The following FAM20C variants were observed in gnomAD, a reference collection of about 807,000 sequenced individuals.
The protein encoded by FAM20C is extracellular serine/threonine protein kinase FAM20C.
FAM20C carries 40 observed loss-of-function variants against 51.5 expected under a neutral mutation model. That is an observed-to-expected ratio of 0.78 (90% CI 0.60 to 1.01). The LOEUF (loss-of-function observed/expected upper bound fraction) is 1.01, where lower values mean the gene tolerates loss of function less well. Ranked by LOEUF, FAM20C falls within the 50% of genes least tolerant of loss-of-function variation. The pLI, the probability that FAM20C is intolerant of heterozygous loss-of-function variation, is 0.00. For missense variants in FAM20C, 861 were observed against 844.7 expected (o/e 1.02, Z -0.24); for synonymous variants, 406 against 380.6 (o/e 1.07, Z -0.78).
At position 257,999 on chromosome 7, in the gene FAM20C, G is replaced by C. The variant is rs1424967117; in HGVS notation, c.1446-647G>C. Among the ~76,000 whole-genome samples, 3 of 98,978 alleles carry C rather than the reference G, an allele frequency of 3.0e-5. 1 individual carries two copies. Among genetic ancestry groups the C allele is most frequent in the African/African-American group, 1.3e-4 (3 of 23,082 alleles). The allele number at this position is 98,978 out of a possible 152,430, so 64.9% of individuals were successfully genotyped here. A position where few individuals can be genotyped will look rare whatever the true frequency, so the allele number is the denominator to read the frequency against. On this transcript the variant is annotated intron_variant, in intron 8 of 9. Coordinates refer to ENST00000313766, the MANE Select transcript of FAM20C (RefSeq NM_020223.4). ...GATAGGCAGTGTGGACCCACTGCCT[G>C]GGGTGCTGGAGATGGGGCTGGGTGG...
At chr7:212,420 G>A (rs1786766162) in intron 3 of FAM20C, among the ~76,000 whole-genome samples, 2 of 152,138 alleles carry the variant, frequency 1.3e-5, no homozygotes, top group South Asian at 4.1e-4. Context: ...CCGAGCTGAC[G>A]CCACTGCACT....
chr7:199,194 C>G (rs987279743), intron 2 of FAM20C, among the ~76,000 whole-genome samples: 1 of 152,248 alleles, frequency 6.6e-6, no homozygotes, highest in Non-Finnish European at 1.5e-5. Flanking sequence ...TCCGAGGGCC[C>G]TTCTGAGTAC....
chr7:211,190 T>G (rs575029966), intron 3 of FAM20C, among the ~76,000 whole-genome samples: 1 of 61,996 alleles, frequency 1.6e-5, no homozygotes, highest in Non-Finnish European at 3.1e-5. Context: ...CCAACCTCCC[T>G]CAGCCTCCTC....
intron 2 of FAM20C, among the ~76,000 whole-genome samples, chr7:207,785 C>T (rs1012243812): frequency 1.7e-4 from 26 of 152,298 alleles, no homozygotes; most frequent in African/African-American, 5.8e-4. Flanking sequence ...GACCTGGAGG[C>T]CCTCGCTGTG....
At chr7:258,953 G>A (rs1788757673) in intron 9 of FAM20C, among the ~76,000 whole-genome samples, 1 of 152,186 alleles carries the variant, frequency 6.6e-6, no homozygotes, top group African/African-American at 2.4e-5. Flanking sequence ...TGTCCGTCCT[G>A]CCACCCCAGT....
At chr7:248,030 T>C (rs1456209534) in intron 4 of FAM20C, among the ~76,000 whole-genome samples, 1 of 152,242 alleles carries the variant, frequency 6.6e-6, no homozygotes, top group Non-Finnish European at 1.5e-5. Context: ...AATTTAGCCC[T>C]GGAATGAGGG....
At chr7:204,062 T>A (rs1204879255) in intron 2 of FAM20C, among the ~76,000 whole-genome samples, 1 of 152,272 alleles carries the variant, frequency 6.6e-6, no homozygotes, top group Non-Finnish European at 1.5e-5. Flanking sequence ...ACCACGGTTT[T>A]ACTTTTGGGA....
chr7:202,446 T>TG (rs948543276), intron 2 of FAM20C, among the ~76,000 whole-genome samples: 13 of 124,226 alleles, frequency 1.0e-4, no homozygotes, highest in African/African-American at 1.9e-4. Context: ...TACTGGGGAA[T>TG]GGGGGGGCGC....
intron 3 of FAM20C, among the ~76,000 whole-genome samples, chr7:244,843 A>C (rs930813690): frequency 1.3e-5 from 2 of 152,256 alleles, no homozygotes; most frequent in Non-Finnish European, 2.9e-5. Flanking sequence ...CAGAGTTTCT[A>C]GCAGCAGAGA....
intron 3 of FAM20C, among the ~76,000 whole-genome samples, chr7:216,934 A>G (rs969351173): frequency 6.6e-6 from 1 of 152,094 alleles, no homozygotes; most frequent in Non-Finnish European, 1.5e-5. Context: ...GAGCTTGAGC[A>G]GTGACGAGGA....
chr7:258,792 C>A (rs1788752152), intron 9 of FAM20C, 87 bp downstream of exon 9: 3 of 1,278,854 alleles, frequency 2.3e-6, no homozygotes, highest in Non-Finnish European at 3.2e-6. Context: ...CCCCACCCCA[C>A]CCCGGCCATC....
At chr7:235,495 TAGTC>T (rs1459213713) in intron 3 of FAM20C, among the ~76,000 whole-genome samples, 2,180 of 152,302 alleles carry the variant, frequency 0.014, 39 homozygotes, top group East Asian at 0.092. Context: ...ACCCTGCACA[TAGTC>T]AGCTTGTTTG....
At position 259,398 on chromosome 7, in the gene FAM20C, G is replaced by A. The variant is rs144492585; in HGVS notation, c.1506-333G>A. Among the ~76,000 whole-genome samples the A allele has an allele frequency of 1.7e-4, 19 of 112,018 alleles. 1 individual carries two copies. The East Asian group carries it at 3.4e-3, about 20-fold the overall frequency. The allele number at this position is 112,018 out of a possible 152,430, so 73.5% of individuals were successfully genotyped here. A position where few individuals can be genotyped will look rare whatever the true frequency, so the allele number is the denominator to read the frequency against. On this transcript the variant is annotated intron_variant, in intron 9 of 9. Transcript: ENST00000313766. Reference sequence around the variant, plus strand: ...CCGGAGGCTGATGAGGTGTTGGATCGCAGGCCCCTCTCTCGCGGTCTCTCT... The same window carrying A: ...CCGGAGGCTGATGAGGTGTTGGATCACAGGCCCCTCTCTCGCGGTCTCTCT...
chr7:231,303 C>A (rs139000934), intron 3 of FAM20C, among the ~76,000 whole-genome samples: 1 of 152,140 alleles, frequency 6.6e-6, no homozygotes, highest in Non-Finnish European at 1.5e-5. Flanking sequence ...GGGCGGGAGA[C>A]GTCGACTGAC....
At chr7:209,733 AT>A (rs920060196) in intron 3 of FAM20C, among the ~76,000 whole-genome samples, 9 of 152,128 alleles carry the variant, frequency 5.9e-5, no homozygotes, top group Non-Finnish European at 1.2e-4. Flanking sequence ...ATCTGGCCTG[AT>A]TTCCAACTTT....
Position 257,228 on chromosome 7 carries a change from C to G in FAM20C, c.1445+142C>G, listed in dbSNP as rs1177845948. ...ATGTCGCAAAGGCCCATCTCAGAGC[C>G]AGATGCAGAGGGCGGCCCCAGGCCC... On this transcript the variant is annotated intron_variant, in intron 8 of 9. Coordinates refer to ENST00000313766, the MANE Select transcript of FAM20C (RefSeq NM_020223.4). 5.7e-6 allele frequency: 5 copies of G among 876,162 alleles called. No individual in the cohort carries two copies. In the African/African-American group the frequency reaches 8.5e-5, roughly 15 times the overall value. The allele number at this position is 876,162 out of a possible 1,614,324, so 54.3% of individuals were successfully genotyped here.
chr7:196,422 ATTGT>A (rs1179585746), intron 2 of FAM20C, among the ~76,000 whole-genome samples: 1 of 152,080 alleles, frequency 6.6e-6, no homozygotes, highest in Non-Finnish European at 1.5e-5. Flanking sequence ...CTTGTAGGCG[ATTGT>A]TTGTGAAGGT....
intron 2 of FAM20C, among the ~76,000 whole-genome samples, chr7:204,886 G>C (rs1786278911): frequency 1.3e-5 from 2 of 152,208 alleles, no homozygotes; most frequent in South Asian, 4.1e-4. Flanking sequence ...TGGCCATGGT[G>C]AGTCCCCACA....
chr7:192,860 GC>G lies in FAM20C; in HGVS notation c.-336del, dbSNP rs1229306576. On this transcript the variant is annotated 5_prime_UTR_variant, in exon 1 of 10. An upstream open reading frame in the 5' UTR gains an earlier in-frame stop. Coordinates refer to ENST00000313766, the MANE Select transcript of FAM20C (RefSeq NM_020223.4). ...CGGGATGGACCCACACGCCCGATGA[GC>G]CCCGCGCCGGCGGCTGCGAGCGCCG... 1.3e-5 allele frequency: 2 copies of G among 148,300 alleles called. No individual in the cohort carries two copies. The highest frequency in any genetic ancestry group is 3.9e-4 in the East Asian group (2 of 5,084). 9.2% of individuals were successfully genotyped at this position (148,300 alleles called of 1,614,324 possible). A position where few individuals can be genotyped will look rare whatever the true frequency, so the allele number is the denominator to read the frequency against.
Sources: gnomAD v4.1 joint callset for allele counts (sites outside exome capture counted in the v4.1 genomes callset) on GRCh38, gnomAD v4.1.1 for gene constraint, MANE v1.5 for transcripts, NCBI Gene and HGNC (gene_info 2026-07-23, HGNC 2026-07-21) for gene names.